The following PCSK6 variants were observed in gnomAD, a reference collection of about 807,000 sequenced individuals.
PCSK6 encodes the protein proprotein convertase subtilisin/kexin type 6, also known as paired basic amino acid cleaving enzyme 4.
A neutral mutation model predicts 123.3 loss-of-function variants in PCSK6; 85 were observed. The observed-to-expected ratio is 0.69, with a 90% CI of 0.58 to 0.83. The LOEUF (loss-of-function observed/expected upper bound fraction) is 0.83, where lower values mean the gene tolerates loss of function less well. PCSK6 is among the 40% of genes least tolerant of loss of function. PCSK6 has a pLI of 0.00. For missense variants in PCSK6, 1,191 were observed against 1,282.3 expected (o/e 0.93, Z 1.09); for synonymous variants, 508 against 516.0 (o/e 0.98, Z 0.21).
chr15:101,384,495 C>A (rs780558042), intron 9 of PCSK6, 70 bp from the exon 10 acceptor site: 7 of 1,377,230 alleles, frequency 5.1e-6, no homozygotes, highest in Non-Finnish European at 7.1e-6. Context: ...CACTCAGAGG[C>A]AGGGGGTCGG....
chr15:101,304,452 G>A lies in PCSK6; in HGVS notation c.*806C>T, dbSNP rs1308934903. On this transcript the variant is annotated 3_prime_UTR_variant, in exon 22 of 22. Transcript: ENST00000611716. ...TGTTCAGAGGAATTGCTTGGCCATC[G>A]GGGTACCTTTTGGCTGGCCACAGAA... The A allele has an allele frequency of 4.6e-5, 7 of 152,074 alleles. No individual in the cohort carries two copies. Among genetic ancestry groups the A allele is most frequent in the African/African-American group, 7.2e-5 (3 of 41,410 alleles). 9.4% of individuals were successfully genotyped at this position (152,074 alleles called of 1,614,324 possible).
At chr15:101,431,594 T>C in intron 3 of PCSK6, 131 bp from the exon 4 acceptor site, 1 of 1,084,576 alleles carries the variant, frequency 9.2e-7, no homozygotes, top group Non-Finnish European at 1.4e-6. Context: ...ATCCCTGCCT[T>C]ACATAGCAGA....
At position 101,398,667 on chromosome 15, in the gene PCSK6, C is replaced by G. The variant is rs763877361; in HGVS notation, c.824-91G>C. ...GCCCAGGAGGCTCGGATGAGGACAC[C>G]GCATCACAGAGTCCCTCCCCAGCAG... On this transcript the variant is annotated intron_variant, in intron 6 of 21. Coordinates refer to ENST00000611716, the MANE Select transcript of PCSK6 (RefSeq NM_002570.5). This position sits in a 1 kb window ranked among gnomAD's most constrained non-coding sequence, Gnocchi z 4.6. 1.2e-5 allele frequency: 16 copies of G among 1,373,460 alleles called. No individual in the cohort carries two copies. The highest frequency in any genetic ancestry group is 1.6e-5 in the Non-Finnish European group (16 of 1,008,306). 85.1% of individuals were successfully genotyped at this position (1,373,460 alleles called of 1,614,324 possible). A position where few individuals can be genotyped will look rare whatever the true frequency, so the allele number is the denominator to read the frequency against.
chr15:101,468,021 ATATTT>A (rs902330936), intron 1 of PCSK6, among the ~76,000 whole-genome samples: 3 of 152,216 alleles, frequency 2.0e-5, no homozygotes, highest in African/African-American at 7.2e-5. Flanking sequence ...ATTGTGGGAA[ATATTT>A]TATATGTGTC....
intron 13 of PCSK6, chr15:101,346,292 A>G (rs967975450): frequency 6.6e-6 from 1 of 152,300 alleles, no homozygotes; most frequent in African/African-American, 2.4e-5. Flanking sequence ...AATGGAAAGC[A>G]ATCTACATGT....
At chr15:101,418,664 C>T (rs2055976090) in intron 6 of PCSK6, among the ~76,000 whole-genome samples, 1 of 152,012 alleles carries the variant, frequency 6.6e-6, no homozygotes, top group South Asian at 2.1e-4. Flanking sequence ...AGGTGCCTGC[C>T]ACCATGCCCA....
rs1555456796 is a variant in PCSK6, at chr15:101,412,712, T to TAA, written c.824-14138_824-14137dup. ...AAAATTATATATATATATATATATA[T>TAA]AAAATTACCCAATCTGAACAACATA... is the stretch of plus-strand genomic sequence containing the variant. On this transcript the variant is annotated intron_variant, in intron 6 of 21. Transcript: ENST00000611716. Among the ~76,000 whole-genome samples, 80 of 136,182 alleles carry TAA rather than the reference T, an allele frequency of 5.9e-4. 1 individual carries two copies. Among genetic ancestry groups the TAA allele is most frequent in the African/African-American group, 1.4e-3 (46 of 32,634 alleles). 89.3% of individuals were successfully genotyped at this position (136,182 alleles called of 152,430 possible).
chr15:101,391,226 A>G (rs572292554), intron 8 of PCSK6, among the ~76,000 whole-genome samples: 48 of 152,336 alleles, frequency 3.2e-4, no homozygotes, highest in African/African-American at 1.2e-3. Flanking sequence ...TCATATGCAA[A>G]TGGACACCAT....
At position 101,388,123 on chromosome 15, in the gene PCSK6, G is replaced by A. The variant is rs113889741; in HGVS notation, c.1310+1341C>T. 1.7e-3 allele frequency among the ~76,000 whole-genome samples: 264 copies of A among 152,284 alleles called. 2 individuals carry two copies. The highest frequency in any genetic ancestry group is 5.8e-3 in the African/African-American group (243 of 41,566). On this transcript the variant is annotated intron_variant, in intron 9 of 21. Coordinates refer to ENST00000611716, the MANE Select transcript of PCSK6 (RefSeq NM_002570.5). ...AATAAGGAATGGAGGAAAATACAGC[G>A]CAAGGAAGGGTAAAGTATGCGAATG... is the stretch of plus-strand genomic sequence containing the variant.
intron 18 of PCSK6, among the ~76,000 whole-genome samples, chr15:101,320,534 T>G (rs1249305866): frequency 6.6e-6 from 1 of 152,054 alleles, no homozygotes; most frequent in Non-Finnish European, 1.5e-5. Flanking sequence ...TTCCTATCTC[T>G]TACACCTGCA....
chr15:101,479,082 T>C (rs2057803361), intron 1 of PCSK6, among the ~76,000 whole-genome samples: 1 of 152,160 alleles, frequency 6.6e-6, no homozygotes, highest in Admixed American at 6.5e-5. Flanking sequence ...ACGCAGACTA[T>C]GAGACGCTGT....
intron 7 of PCSK6, among the ~76,000 whole-genome samples, chr15:101,397,656 T>C (rs1171569309): frequency 3.3e-5 from 5 of 152,192 alleles, no homozygotes; most frequent in African/African-American, 1.2e-4. Flanking sequence ...CACAGCTCTG[T>C]CTGCCTGCTC....
chr15:101,320,733 C>T (rs1034123829), intron 18 of PCSK6, among the ~76,000 whole-genome samples: 7 of 152,154 alleles, frequency 4.6e-5, no homozygotes, highest in African/African-American at 1.4e-4. Context: ...CCAGAGGCGG[C>T]GGCTCGGCTG....
intron 1 of PCSK6, among the ~76,000 whole-genome samples, chr15:101,472,530 T>G (rs1234662513): frequency 6.6e-6 from 1 of 152,208 alleles, no homozygotes; most frequent in Admixed American, 6.5e-5. Context: ...CAGTGGCAAG[T>G]GCACAAACAG....
chr15:101,331,866 T>G lies in PCSK6; in HGVS notation c.2024A>C (p.Glu675Ala). 2 of 1,612,948 alleles carry G rather than the reference T, an allele frequency of 1.2e-6. No individual in the cohort carries two copies. Among genetic ancestry groups the G allele is most frequent in the South Asian group, 1.1e-5 (1 of 90,976 alleles). Residue 675 changes from glutamate (E) to alanine (A), a missense_variant, in exon 14 of 22, where the codon GAG becomes GCG. Glu to Ala is a moderately radical substitution (Grantham distance 107, BLOSUM62 -1). Transcript: ENST00000611716. ...SPSQVEVPED[E>A]EDYTAQSTPG... ...AGGCTCATTACCTGTGTAATCTTCCTCATCTTCAGGAACTTCCACCTGGGA... is the reference window on the plus strand; with the variant it reads ...AGGCTCATTACCTGTGTAATCTTCCGCATCTTCAGGAACTTCCACCTGGGA...
intron 6 of PCSK6, among the ~76,000 whole-genome samples, chr15:101,406,684 C>G (rs184987500): frequency 6.6e-6 from 1 of 152,308 alleles, no homozygotes; most frequent in Non-Finnish European, 1.5e-5. Context: ...CCCCACAGGA[C>G]AGCCTTGTTC....
At chr15:101,350,801 C>G (rs1256485099) in intron 13 of PCSK6, among the ~76,000 whole-genome samples, 1 of 152,200 alleles carries the variant, frequency 6.6e-6, no homozygotes, top group Non-Finnish European at 1.5e-5. Flanking sequence ...GTGCTTGTCC[C>G]AAGAGAAAGA....
intron 1 of PCSK6, among the ~76,000 whole-genome samples, chr15:101,484,065 C>T (rs1482948827): frequency 2.6e-5 from 4 of 152,044 alleles, no homozygotes; most frequent in African/African-American, 4.8e-5. Flanking sequence ...ATATATTATA[C>T]GTGTGTATAT....
Position 101,422,905 on chromosome 15 carries a change from G to A in PCSK6, c.823+4987C>T, listed in dbSNP as rs182346755. 4.5e-4 allele frequency among the ~76,000 whole-genome samples: 68 copies of A among 152,352 alleles called. 1 individual carries two copies. The East Asian group carries it at 0.011, about 25-fold the overall frequency. ...CACAGTGCTGGGATTACAGGCGTGA[G>A]CCACCGCGCCTGGCCAAGAAAGAAA... On this transcript the variant is annotated intron_variant, in intron 6 of 21. Transcript: ENST00000611716.
Sources: gnomAD v4.1 joint callset for allele counts (sites outside exome capture counted in the v4.1 genomes callset) on GRCh38, gnomAD v4.1.1 for gene constraint, Gnocchi (gnomAD v3.1) non-coding constraint, MANE v1.5 for transcripts, NCBI Gene and HGNC (gene_info 2026-07-23, HGNC 2026-07-21) for gene names.